PDZD2: variants seen among roughly 807,000 people sequenced by gnomAD.
PDZD2 encodes the protein PDZ domain-containing protein 2.
A neutral mutation model predicts 220.7 loss-of-function variants in PDZD2; 90 were observed. The ratio of observed to expected loss-of-function variants is 0.41; its 90% CI spans 0.34 to 0.49. The LOEUF (loss-of-function observed/expected upper bound fraction) is 0.49, where lower values mean the gene tolerates loss of function less well. Ranked by LOEUF, PDZD2 falls within the 20% of genes least tolerant of loss-of-function variation. The pLI is 0.28. For missense variants in PDZD2, 3,174 were observed against 3,608.5 expected (o/e 0.88, Z 3.08); for synonymous variants, 1,375 against 1,450.5 (o/e 0.95, Z 1.18).
At position 31,892,466 on chromosome 5, in the gene PDZD2, T is replaced by C. The variant is rs182462104; in HGVS notation, c.477-90689T>C. Among the ~76,000 whole-genome samples the C allele has an allele frequency of 3.9e-5, 6 of 152,280 alleles. No individual in the cohort carries two copies. The East Asian group carries it at 1.2e-3, about 29-fold the overall frequency. On this transcript the variant is annotated intron_variant, in intron 2 of 24. Coordinates refer to ENST00000438447, the MANE Select transcript of PDZD2 (RefSeq NM_178140.4). ...CTGATAATTAGGCTGGGATAACCAG[T>C]TTAAACCAGGATGATCCAAGAACAA...
At position 32,059,288 on chromosome 5, in the gene PDZD2, C is replaced by G. The variant is rs1739451221; in HGVS notation, c.2250C>G (p.Asn750Lys). ...GIGACCLALENSPPGIYIHSL... is the reference protein window; with the variant it reads ...GIGACCLALEKSPPGIYIHSL... The stretch of plus-strand genomic sequence containing the variant: ...GTGCCTGCTGCTTGGCTCTGGAAAA[C>G]AGTCCTCCTGGCATCTACATTCACA... The change falls in exon 13 of 25, where the codon AAC becomes AAG. Residue 750 changes from asparagine (N) to lysine (K), a missense_variant. By Grantham distance (94) the Asn-to-Lys change is moderately conservative. This residue lies in a region of PDZD2 where 1,861 missense variants were observed against 2,001.0 expected (regional missense o/e 0.93). Transcript: ENST00000438447. 1.2e-6 allele frequency: 2 copies of G among 1,613,704 alleles called. No homozygotes were observed. The highest frequency in any genetic ancestry group is 1.7e-6 in the Non-Finnish European group (2 of 1,179,602).
At chr5:31,905,948 G>A (rs967880068) in intron 2 of PDZD2, among the ~76,000 whole-genome samples, 1 of 151,860 alleles carries the variant, frequency 6.6e-6, no homozygotes, top group African/African-American at 2.4e-5. Flanking sequence ...TTCAGTGGTG[G>A]TTCTTGGTTT....
rs113191767 is a variant in PDZD2, at chr5:31,665,651, C to CT, written c.-361+26214_-361+26215insT. ...GTGTTTGGAAGTTCCCCCTCCCCCC[C>CT]CTCCCTTTCCTGCTGCCTTGTGAAA... On this transcript the variant is annotated intron_variant, in intron 1 of 24. Transcript: ENST00000438447. Among the ~76,000 whole-genome samples, 340 of 144,178 alleles carry CT rather than the reference C, an allele frequency of 2.4e-3. 2 individuals are homozygous for CT. The highest frequency in any genetic ancestry group is 5.5e-3 in the African/African-American group (214 of 39,148). The allele number at this position is 144,178 out of a possible 152,430, so 94.6% of individuals were successfully genotyped here. A position where few individuals can be genotyped will look rare whatever the true frequency, so the allele number is the denominator to read the frequency against.
chr5:31,715,693 G>A (rs535123584), intron 1 of PDZD2, among the ~76,000 whole-genome samples: 1 of 152,330 alleles, frequency 6.6e-6, no homozygotes, highest in Admixed American at 6.5e-5. Flanking sequence ...AAGAACAACA[G>A]CAGTAACAAG....
At chr5:31,709,351 G>A (rs1398636643) in intron 1 of PDZD2, among the ~76,000 whole-genome samples, 1 of 151,994 alleles carries the variant, frequency 6.6e-6, no homozygotes, top group African/African-American at 2.4e-5. Context: ...AGCTGGGCAT[G>A]GTGGTGCATG....
At chr5:31,704,087 A>G (rs1747718580) in intron 1 of PDZD2, among the ~76,000 whole-genome samples, 1 of 151,158 alleles carries the variant, frequency 6.6e-6, no homozygotes, top group African/African-American at 2.4e-5. Flanking sequence ...ATCATAGATC[A>G]TTGCAACCTC....
chr5:31,880,772 G>A lies in PDZD2; in HGVS notation c.476+81048G>A, dbSNP rs866882342. 5.0e-5 allele frequency among the ~76,000 whole-genome samples: 6 copies of A among 119,386 alleles called. No homozygotes were observed. The East Asian group carries it at 8.9e-4, about 18-fold the overall frequency. The allele number at this position is 119,386 out of a possible 152,430, so 78.3% of individuals were successfully genotyped here. A position where few individuals can be genotyped will look rare whatever the true frequency, so the allele number is the denominator to read the frequency against. ...ATAACCTCAGACACAGAGTAGAAAG[G>A]TAGCTTTCTTTTTTTTTTCTTTTTT... On this transcript the variant is annotated intron_variant, in intron 2 of 24. Transcript: ENST00000438447.
intron 1 of PDZD2, among the ~76,000 whole-genome samples, chr5:31,668,242 G>C (rs188021827): frequency 6.6e-6 from 1 of 152,072 alleles, no homozygotes; most frequent in African/African-American, 2.4e-5. Context: ...TTTGCTTTTC[G>C]GTGAAAAGGA....
At chr5:31,670,318 C>A (rs184470736) in intron 1 of PDZD2, among the ~76,000 whole-genome samples, 168 of 152,284 alleles carry the variant, frequency 1.1e-3, no homozygotes, top group African/African-American at 3.9e-3. Context: ...AGTTTGACTT[C>A]CACAAATACT....
In PDZD2 at chr5:31,750,561, C is replaced by T. The variant is rs141763573; in HGVS notation, c.-360-48328C>T. Among the ~76,000 whole-genome samples the T allele has an allele frequency of 4.1e-3, 630 of 152,168 alleles. 5 individuals carry two copies. The highest frequency in any genetic ancestry group is 0.014 in the African/African-American group (569 of 41,512). ...GAGGGTCCGCCAAGGATGGGTGCCG[C>T]GAGGGTGAGGAGTGTGGTCCTGAGG... On this transcript the variant is annotated intron_variant, in intron 1 of 24. Transcript: ENST00000438447.
chr5:32,074,325 G>T lies in PDZD2; in HGVS notation c.3219G>T (p.Trp1073Cys). The T allele has an allele frequency of 3.1e-6, 5 of 1,614,226 alleles. No homozygotes were observed. Among genetic ancestry groups the T allele is most frequent in the Non-Finnish European group, 4.2e-6 (5 of 1,180,044 alleles). Reference sequence around the variant, plus strand: ...CCCCCAAGGGGAGCCCTGGAAGCTGGTGGAAGAAGGAACTGTCAGGATCAA... The same window carrying T: ...CCCCCAAGGGGAGCCCTGGAAGCTGTTGGAAGAAGGAACTGTCAGGATCAA... ...AEAPKGSPGSWWKKELSGSSS... is the reference protein window; with the variant it reads ...AEAPKGSPGSCWKKELSGSSS... Residue 1073 changes from tryptophan to cysteine, a missense_variant, in exon 18 of 25, where the codon TGG becomes TGT. This residue lies in a region of PDZD2 where 1,861 missense variants were observed against 2,001.0 expected (regional missense o/e 0.93). Transcript: ENST00000438447.
At chr5:31,943,730 G>A (rs1159443174) in intron 2 of PDZD2, among the ~76,000 whole-genome samples, 2 of 152,204 alleles carry the variant, frequency 1.3e-5, no homozygotes, top group African/African-American at 4.8e-5. Flanking sequence ...ATCAGACAGA[G>A]AGACAGACAG....
intron 1 of PDZD2, among the ~76,000 whole-genome samples, chr5:31,679,071 G>A (rs4867368): frequency 0.028 from 4,216 of 152,288 alleles, 69 homozygotes; most frequent in Admixed American, 0.044. Context: ...GGGCGGTATG[G>A]GCAGGATAGT....
chr5:31,734,905 G>A (rs908165931), intron 1 of PDZD2, among the ~76,000 whole-genome samples: 12 of 152,192 alleles, frequency 7.9e-5, no homozygotes, highest in Non-Finnish European at 1.2e-4. Context: ...GAGCAAATAT[G>A]TATTTCTCAT....
intron 2 of PDZD2, among the ~76,000 whole-genome samples, chr5:31,910,721 G>A (rs914214673): frequency 2.8e-4 from 42 of 151,648 alleles, no homozygotes; most frequent in Middle Eastern, 3.4e-3. Flanking sequence ...GTAGAGACAG[G>A]GTTTCACCAT....
intron 2 of PDZD2, among the ~76,000 whole-genome samples, chr5:31,951,936 A>AT (rs1485491230): frequency 6.6e-6 from 1 of 152,090 alleles, no homozygotes; most frequent in Non-Finnish European, 1.5e-5. Flanking sequence ...ATTTTTGTCT[A>AT]TTTTTTGTTT....
At chr5:32,003,130 CACA>C (rs752622210) in intron 5 of PDZD2, among the ~76,000 whole-genome samples, 4 of 17,578 alleles carry the variant, frequency 2.3e-4, no homozygotes, top group East Asian at 1.8e-3. Context: ...GCGCCACACA[CACA>C]CCACACACAC....
intron 14 of PDZD2, among the ~76,000 whole-genome samples, chr5:32,068,755 C>A (rs1004299028): frequency 6.6e-6 from 1 of 152,032 alleles, no homozygotes; most frequent in African/African-American, 2.4e-5. Context: ...TCTAAGAGAC[C>A]CATGCTGAAA....
intron 6 of PDZD2, among the ~76,000 whole-genome samples, chr5:32,019,658 G>C (rs747355472): frequency 6.6e-6 from 1 of 152,182 alleles, no homozygotes; most frequent in Non-Finnish European, 1.5e-5. Context: ...TGACATCATA[G>C]CATGGAGCAT....
Sources: gnomAD v4.1 joint callset for allele counts (sites outside exome capture counted in the v4.1 genomes callset) on GRCh38, gnomAD v4.1.1 for gene constraint, gnomAD v4.1.1 regional missense constraint, MANE v1.5 for transcripts, NCBI Gene and HGNC (gene_info 2026-07-23, HGNC 2026-07-21) for gene names.